The following SLC14A2 variants were observed in gnomAD, a reference collection of about 807,000 sequenced individuals.
The protein encoded by SLC14A2 is urea transporter 2.
In SLC14A2, 91 loss-of-function variants were observed where a neutral mutation model predicts 104.6. That is an observed-to-expected ratio of 0.87 (90% CI 0.73 to 1.04). The LOEUF (loss-of-function observed/expected upper bound fraction) is 1.04, where lower values mean the gene tolerates loss of function less well. SLC14A2 is among the 50% of genes least tolerant of loss of function. The probability of loss-of-function intolerance (pLI) is 0.00; values close to 1 mark genes in which losing one functional copy is unlikely to be tolerated. For missense variants in SLC14A2, 1,189 were observed against 1,156.0 expected (o/e 1.03, Z -0.41); for synonymous variants, 476 against 466.4 (o/e 1.02, Z -0.27).
intron 2 of SLC14A2, among the ~76,000 whole-genome samples, chr18:45,545,139 A>G (rs1265939829): frequency 6.6e-6 from 1 of 152,224 alleles, no homozygotes; most frequent in African/African-American, 2.4e-5. Flanking sequence ...TATATTATGT[A>G]TCCCAAACTT....
chr18:45,307,157 C>T (rs1264817750), intron 1 of SLC14A2, among the ~76,000 whole-genome samples: 12 of 152,068 alleles, frequency 7.9e-5, no homozygotes, highest in African/African-American at 2.9e-4. Context: ...TGGCTCACAC[C>T]TGTAATCCTA....
chr18:45,466,769 C>T (rs1487603207), intron 1 of SLC14A2, among the ~76,000 whole-genome samples: 1 of 151,626 alleles, frequency 6.6e-6, no homozygotes, highest in African/African-American at 2.4e-5. Flanking sequence ...GATGACTGAG[C>T]AGAAAAAGAG....
At chr18:45,389,169 C>T (rs1174512339) in intron 1 of SLC14A2, among the ~76,000 whole-genome samples, 1 of 152,172 alleles carries the variant, frequency 6.6e-6, no homozygotes, top group Non-Finnish European at 1.5e-5. Flanking sequence ...TAAAAAGCAC[C>T]TTTCTGACCA....
intron 2 of SLC14A2, among the ~76,000 whole-genome samples, chr18:45,523,907 G>C (rs2043553747): frequency 1.3e-5 from 2 of 152,164 alleles, no homozygotes; most frequent in African/African-American, 4.8e-5. Context: ...CTTTGAAGAA[G>C]ATTTTGTCAT....
chr18:45,368,084 C>T (rs1191454924), intron 1 of SLC14A2, among the ~76,000 whole-genome samples: 8 of 151,804 alleles, frequency 5.3e-5, no homozygotes, highest in South Asian at 2.1e-4. Context: ...AGATAACAGA[C>T]GCATCCTCCA....
At chr18:45,307,654 A>G (rs1048248163) in intron 1 of SLC14A2, among the ~76,000 whole-genome samples, 1 of 152,102 alleles carries the variant, frequency 6.6e-6, no homozygotes, top group African/African-American at 2.4e-5. Context: ...CTCTCCCTTC[A>G]TACTCTTCTA....
At chr18:45,635,167 T>C (rs748970634) in intron 5 of SLC14A2, among the ~76,000 whole-genome samples, 3 of 152,238 alleles carry the variant, frequency 2.0e-5, no homozygotes, top group Non-Finnish European at 2.9e-5. Context: ...GGACACATTA[T>C]ACTATAGACT....
At chr18:45,365,994 A>C (rs1236518325) in intron 1 of SLC14A2, among the ~76,000 whole-genome samples, 6 of 119,660 alleles carry the variant, frequency 5.0e-5, no homozygotes, top group African/African-American at 1.7e-4. Flanking sequence ...CAAAAGGACC[A>C]AAAAAAAAAA....
the SLC14A2 span, among the ~76,000 whole-genome samples, chr18:45,183,691 C>G: frequency 6.7e-6 from 1 of 149,956 alleles, no homozygotes; most frequent in African/African-American, 2.5e-5. Context: ...TTCTCTCTTT[C>G]TCTCTGTCTC....
intron 1 of SLC14A2, among the ~76,000 whole-genome samples, chr18:45,364,013 C>G (rs2085641908): frequency 6.6e-6 from 1 of 152,168 alleles, no homozygotes; most frequent in South Asian, 2.1e-4. Context: ...CCATGTGTAC[C>G]TAATAACTGT....
At chr18:45,634,067 G>A (rs531517506) in intron 5 of SLC14A2, among the ~76,000 whole-genome samples, 1 of 152,234 alleles carries the variant, frequency 6.6e-6, no homozygotes, top group Admixed American at 6.5e-5. Flanking sequence ...AGACTTCAGT[G>A]CCCCCCATCC....
At chr18:45,338,430 T>G (rs1435759826) in intron 1 of SLC14A2, among the ~76,000 whole-genome samples, 3 of 152,018 alleles carry the variant, frequency 2.0e-5, no homozygotes, top group Non-Finnish European at 1.5e-5. Flanking sequence ...TTCGATCTCC[T>G]GACTTCATGA....
intron 1 of SLC14A2, among the ~76,000 whole-genome samples, chr18:45,220,575 G>A (rs2084052037): frequency 6.6e-6 from 1 of 152,134 alleles, no homozygotes; most frequent in South Asian, 2.1e-4. Flanking sequence ...GTTGTCACAG[G>A]CATTGGGCCT....
At chr18:45,474,192 G>T (rs57681257) in intron 1 of SLC14A2, among the ~76,000 whole-genome samples, 5 of 152,102 alleles carry the variant, frequency 3.3e-5, no homozygotes, top group African/African-American at 1.2e-4. Flanking sequence ...ATTGATTTGT[G>T]TATATTGAAC....
chr18:45,669,336 C>A lies in SLC14A2; in HGVS notation c.2067C>A (p.Ile689=). The change falls in exon 16 of 20, where the codon ATC becomes ATA. Residue 689 remains isoleucine (I), a synonymous_variant. Transcript: ENST00000255226. ...TCCTCTCCAGTGCCCTGGGTACCAT[C>A]TTCAGCAAGTGGGACCTCCCAGTCT... The part of the protein sequence containing the change: ...CPILSSALGT[I]FSKWDLPVFT... The A allele has an allele frequency of 6.2e-7, 1 of 1,613,850 alleles. No homozygotes were observed. Among genetic ancestry groups the A allele is most frequent in the Non-Finnish European group, 8.5e-7 (1 of 1,179,810 alleles).
rs74545538 is a variant in SLC14A2, at chr18:45,435,621, C to T, written c.-124-47612C>T. On this transcript the variant is annotated intron_variant, in intron 1 of 20. Transcript: ENST00000586448. The stretch of plus-strand genomic sequence containing the variant: ...GCACTGATGGAGTCCCTTTAACCTC[C>T]CAGCTGAAGAGTTTGCCTTTGGCTG... Among the ~76,000 whole-genome samples, 1,127 of 152,186 alleles carry T rather than the reference C, an allele frequency of 7.4e-3. 6 individuals carry two copies. The highest frequency in any genetic ancestry group is 0.013 in the Non-Finnish European group (883 of 68,018).
intron 1 of SLC14A2, among the ~76,000 whole-genome samples, chr18:45,235,839 A>ATATATGTATATATACATATATGTGTG (rs2084222656): frequency 5.7e-5 from 5 of 88,160 alleles, no homozygotes; most frequent in Admixed American, 3.5e-4. Flanking sequence ...ATACGTGTAT[A>ATATATGTATATATACATATATGTGTG]TATATATGTA....
chr18:45,306,858 G>A (rs114507427), intron 1 of SLC14A2, among the ~76,000 whole-genome samples: 2,225 of 152,174 alleles, frequency 0.015, 43 homozygotes, highest in African/African-American at 0.047. Flanking sequence ...ACTTGTTCGG[G>A]CACTCTTTCT....
At chr18:45,361,736 G>A (rs73953152) in intron 1 of SLC14A2, among the ~76,000 whole-genome samples, 3,722 of 152,176 alleles carry the variant, frequency 0.024, 156 homozygotes, top group African/African-American at 0.084. Flanking sequence ...TCGGCTTCTC[G>A]GCTTCTCCCT....
Sources: allele counts gnomAD v4.1 joint callset (sites outside exome capture counted in the v4.1 genomes callset), GRCh38; gene constraint gnomAD v4.1.1; transcripts MANE v1.5; gene names NCBI Gene and HGNC (gene_info 2026-07-23, HGNC 2026-07-21).